Variants in CREBL2 observed in about 807,000 individuals in gnomAD.
CREBL2 encodes the protein cAMP responsive element binding protein like 2, also known as cAMP-responsive element-binding protein-like 2.
In CREBL2, 4 loss-of-function variants were observed where a neutral mutation model predicts 19.5. The observed-to-expected ratio is 0.20, with a 90% confidence interval of 0.10 to 0.47. CREBL2 has a LOEUF of 0.47. Among genes scored for constraint, CREBL2 ranks in the 20% least tolerant of loss-of-function variants. CREBL2 has a pLI of 0.98. For synonymous variants in CREBL2, 42 were observed against 46.6 expected, an observed-to-expected ratio of 0.90 and a Z score of 0.40; for missense variants, 85 against 145.1, an observed-to-expected ratio of 0.59 and a Z score of 2.13.
intron 2 of CREBL2, 87 bp from the exon 3 acceptor site, chr12:12,637,483 A>G: frequency 1.1e-6 from 1 of 889,484 alleles, no homozygotes. Flanking sequence ...TAGGATTTCT[A>G]CCAGTGGTTC....
chr12:12,618,260 CCTCA>C (rs1050628698), intron 1 of CREBL2, among the ~76,000 whole-genome samples: 5 of 151,580 alleles, frequency 3.3e-5, no homozygotes, highest in African/African-American at 1.2e-4. Flanking sequence ...CGGAGACGCT[CCTCA>C]CTTCCCAGAC....
intron 1 of CREBL2, among the ~76,000 whole-genome samples, chr12:12,624,877 G>A (rs1314459418): frequency 6.6e-6 from 1 of 152,218 alleles, no homozygotes; most frequent in Non-Finnish European, 1.5e-5. Flanking sequence ...GAAGGATGGT[G>A]AATGCAGGGG....
chr12:12,622,004 A>G (rs1230992051), intron 1 of CREBL2, among the ~76,000 whole-genome samples: 2 of 152,214 alleles, frequency 1.3e-5, no homozygotes, highest in African/African-American at 4.8e-5. Context: ...GGGTTTTAGC[A>G]TATGACTGGA....
chr12:12,618,258 CTCCTCACT>C (rs1441257215), intron 1 of CREBL2, among the ~76,000 whole-genome samples: 1 of 151,762 alleles, frequency 6.6e-6, no homozygotes, highest in Non-Finnish European at 1.5e-5. Flanking sequence ...GGCGGAGACG[CTCCTCACT>C]TCCCAGACGG....
rs1945541177 is a variant in CREBL2 at position 12,643,417 on chromosome 12, A to G, written c.*1419A>G. 6.6e-6 allele frequency: 1 copy of G among 152,660 alleles called. No homozygotes were observed. The highest frequency in any genetic ancestry group is 1.5e-5 in the Non-Finnish European group (1 of 68,048). 9.5% of individuals were successfully genotyped at this position (152,660 alleles called of 1,614,324 possible). On this transcript the variant is annotated 3_prime_UTR_variant, in exon 4 of 4. Transcript: ENST00000228865. ...AGGAGTTGTGTTCTCTGTCGCTGCT[A>G]AATTATTCTTCACTTGAGTGAAGCA...
intron 1 of CREBL2, among the ~76,000 whole-genome samples, chr12:12,629,552 A>G (rs1945427314): frequency 1.3e-5 from 2 of 152,164 alleles, no homozygotes; most frequent in South Asian, 4.1e-4. Context: ...GATTTTCTAT[A>G]TATAAAATCA....
In CREBL2 at chr12:12,612,200, G is replaced by T; in HGVS notation, c.15+13G>T. Reference sequence around the variant, plus strand: ...GGATGACAGTAAGGTAAGTCTTGTGGTTTGCACGCGCCGCCGCCTTCTTGT... The same window carrying T: ...GGATGACAGTAAGGTAAGTCTTGTGTTTTGCACGCGCCGCCGCCTTCTTGT... On this transcript the variant is annotated intron_variant, in intron 1 of 3. Coordinates refer to ENST00000228865, the MANE Select transcript of CREBL2 (RefSeq NM_001310.4). 1 of 1,613,566 alleles carries T rather than the reference G, an allele frequency of 6.2e-7. No individual in the cohort carries two copies. Among genetic ancestry groups the T allele is most frequent in the Non-Finnish European group, 8.5e-7 (1 of 1,180,002 alleles).
chr12:12,613,753 A>C (rs1004302139), intron 1 of CREBL2, among the ~76,000 whole-genome samples: 1 of 152,208 alleles, frequency 6.6e-6, no homozygotes, highest in African/African-American at 2.4e-5. Flanking sequence ...CCTTGACAAG[A>C]ATCTTGCCCT....
intron 1 of CREBL2, among the ~76,000 whole-genome samples, chr12:12,630,724 A>C (rs1945436962): frequency 6.6e-6 from 1 of 152,220 alleles, no homozygotes; most frequent in Admixed American, 6.5e-5. Flanking sequence ...TCTTTAAAAC[A>C]AACAAAAAGG....
rs543570259 is a variant in CREBL2, at chr12:12,632,310, C to T, written c.16-3467C>T. ...GTCAGGATGGTCTCGATCTCCTGAC[C>T]TCGTGATCCGCCCGCCTCGGCCTCC... On this transcript the variant is annotated intron_variant, in intron 1 of 3. Coordinates refer to ENST00000228865, the MANE Select transcript of CREBL2 (RefSeq NM_001310.4). Among the ~76,000 whole-genome samples the T allele has an allele frequency of 2.6e-5, 4 of 151,798 alleles. No homozygotes were observed. The East Asian group carries it at 7.7e-4, about 29-fold the overall frequency.
intron 1 of CREBL2, among the ~76,000 whole-genome samples, chr12:12,633,323 T>A (rs887619742): frequency 1.3e-5 from 2 of 151,994 alleles, no homozygotes; most frequent in African/African-American, 4.8e-5. Flanking sequence ...TAATCCCAGC[T>A]ACTTGGGAGG....
At chr12:12,615,022 T>C (rs1945299149) in intron 1 of CREBL2, among the ~76,000 whole-genome samples, 1 of 152,104 alleles carries the variant, frequency 6.6e-6, no homozygotes, top group South Asian at 2.1e-4. Context: ...CATGTCCGGC[T>C]AATTTTTTTT....
At chr12:12,641,896 TA>T (rs1945525085) in intron 3 of CREBL2, 97 bp from the exon 4 acceptor site, 2 of 642,862 alleles carry the variant, frequency 3.1e-6, no homozygotes, top group African/African-American at 3.8e-5. Flanking sequence ...TTACTGAAGA[TA>T]CTAAACTGAA....
At chr12:12,613,792 C>T (rs973050423) in intron 1 of CREBL2, among the ~76,000 whole-genome samples, 2 of 151,998 alleles carry the variant, frequency 1.3e-5, no homozygotes, top group South Asian at 2.1e-4. Flanking sequence ...CAACAGAATG[C>T]GGGATAACAT....
rs932655642 is a variant in CREBL2, at chr12:12,645,077, A to T, written c.*3079A>T. ...AGTTACAGAAAACTGTTAAATAGGG[A>T]AGAACTACATTAAATTTAAATATTC... On this transcript the variant is annotated 3_prime_UTR_variant, in exon 4 of 4. Transcript: ENST00000228865. The T allele has an allele frequency of 6.6e-6, 1 of 152,202 alleles. No homozygotes were observed. Among genetic ancestry groups the T allele is most frequent in the Non-Finnish European group, 1.5e-5 (1 of 68,034 alleles). The allele number at this position is 152,202 out of a possible 1,614,324, so 9.4% of individuals were successfully genotyped here.
rs945057883 is a variant in CREBL2, at chr12:12,643,886, G to A, written c.*1888G>A. The A allele has an allele frequency of 1.3e-5, 2 of 152,556 alleles. No homozygotes were observed. The highest frequency in any genetic ancestry group is 2.9e-5 in the Non-Finnish European group (2 of 68,028). The allele number at this position is 152,556 out of a possible 1,614,324, so 9.5% of individuals were successfully genotyped here. On this transcript the variant is annotated 3_prime_UTR_variant, in exon 4 of 4. Coordinates refer to ENST00000228865, the MANE Select transcript of CREBL2 (RefSeq NM_001310.4). ...GTAATTGGTATGTTTTTGCCATCTG[G>A]TCCACTCAATTGTATATTTTTATTT...
intron 1 of CREBL2, among the ~76,000 whole-genome samples, chr12:12,619,605 T>C (rs1945344742): frequency 1.8e-5 from 1 of 54,412 alleles, no homozygotes; most frequent in African/African-American, 4.3e-5. Flanking sequence ...AGCCAGACTC[T>C]GTCTCAAAGG....
chr12:12,617,037 A>G (rs1945316390), intron 1 of CREBL2, among the ~76,000 whole-genome samples: 1 of 152,200 alleles, frequency 6.6e-6, no homozygotes, highest in South Asian at 2.1e-4. Flanking sequence ...ACCAGTGGTG[A>G]TAAATGAGTT....
At chr12:12,636,454 T>C (rs1268364621) in intron 2 of CREBL2, among the ~76,000 whole-genome samples, 1 of 152,200 alleles carries the variant, frequency 6.6e-6, no homozygotes, top group African/African-American at 2.4e-5. Context: ...AGAGTCTTGC[T>C]CTGTCGCCCA....
Sources: allele counts gnomAD v4.1 joint callset (sites outside exome capture counted in the v4.1 genomes callset), GRCh38; gene constraint gnomAD v4.1.1; transcripts MANE v1.5; gene names NCBI Gene and HGNC (gene_info 2026-07-23, HGNC 2026-07-21).